SLC15A1: variants seen among roughly 807,000 people sequenced by gnomAD.
The protein encoded by SLC15A1 is Caco-2 oligopeptide transporter.
SLC15A1 carries 83 observed loss-of-function variants against 92.9 expected under a neutral mutation model. The observed-to-expected ratio is 0.89, with a 90% CI of 0.75 to 1.07. The LOEUF is 1.07. Among genes scored for constraint, SLC15A1 ranks in the 50% least tolerant of loss-of-function variants. The pLI is 0.00. For missense variants in SLC15A1, 857 were observed against 880.1 expected (o/e 0.97, Z 0.33); for synonymous variants, 322 against 318.2 (o/e 1.01, Z -0.13).
intron 9 of SLC15A1, among the ~76,000 whole-genome samples, chr13:98,713,493 G>T (rs2088184289): frequency 6.6e-6 from 1 of 152,086 alleles, no homozygotes; most frequent in Non-Finnish European, 1.5e-5. Flanking sequence ...TCCAATAACT[G>T]AACTATTAGT....
At chr13:98,716,024 G>A (rs2088209368) in intron 8 of SLC15A1, 64 bp from the exon 9 acceptor site, 1 of 1,300,764 alleles carries the variant, frequency 7.7e-7, no homozygotes, top group South Asian at 1.2e-5. Flanking sequence ...GGCCTAGAGA[G>A]ATGCGCCTTT....
chr13:98,751,026 A>C (rs1365347487), intron 1 of SLC15A1, among the ~76,000 whole-genome samples: 2 of 152,114 alleles, frequency 1.3e-5, no homozygotes, highest in East Asian at 1.9e-4. Flanking sequence ...AAGTGCTGGG[A>C]TTACAAGCGT....
intron 22 of SLC15A1, among the ~76,000 whole-genome samples, chr13:98,685,633 C>G (rs1190827863): frequency 6.6e-6 from 1 of 152,178 alleles, no homozygotes; most frequent in Non-Finnish European, 1.5e-5. Context: ...AGGGCAACTT[C>G]AAGTTAACCC....
At chr13:98,750,253 C>A (rs1470287301) in intron 1 of SLC15A1, among the ~76,000 whole-genome samples, 4 of 152,126 alleles carry the variant, frequency 2.6e-5, no homozygotes, top group African/African-American at 9.7e-5. Flanking sequence ...GCTGGGACAA[C>A]AGGCACATGC....
In SLC15A1 at chr13:98,704,361, A is replaced by G; in HGVS notation, c.1344T>C (p.Thr448=). The part of the protein sequence containing the change: ...INISSPGSPV[T]AVTDDFKQGQ... ...CCTGCTTGAAGTCGTCAGTTACAGC[A>G]GTGACTGGTGATCCAGGAGAAGAAA... Residue 448 remains threonine, a synonymous_variant, in exon 17 of 23, where the codon ACT becomes ACC. Coordinates refer to ENST00000376503, the MANE Select transcript of SLC15A1 (RefSeq NM_005073.4). 1 of 1,613,864 alleles carries G rather than the reference A, an allele frequency of 6.2e-7. No individual in the cohort carries two copies. The highest frequency in any genetic ancestry group is 8.5e-7 in the Non-Finnish European group (1 of 1,179,776).
intron 1 of SLC15A1, among the ~76,000 whole-genome samples, chr13:98,738,143 C>G (rs1200744534): frequency 6.6e-6 from 1 of 152,138 alleles, no homozygotes; most frequent in Admixed American, 6.5e-5. Context: ...CTTCTAACAA[C>G]CTATGCTCAT....
rs1301299894 is a variant in SLC15A1 at position 98,684,866 on chromosome 13, A to G, written c.1985T>C (p.Ile662Thr). The change falls in exon 23 of 23, where the codon ATT (isoleucine) becomes ACT (threonine). Residue 662 changes from isoleucine (I) to threonine (T), a missense_variant. Coordinates refer to ENST00000376503, the MANE Select transcript of SLC15A1 (RefSeq NM_005073.4). ...ATAGAACCGAGCCATGATGGCAAAA[A>G]TTACACAGACGACCAGAAGCAACGC... is the stretch of plus-strand genomic sequence containing the variant. Reference protein sequence around the residue: ...FAALLLVVCVIFAIMARFYTY... With the variant: ...FAALLLVVCVTFAIMARFYTY... 1.2e-6 allele frequency: 2 copies of G among 1,614,158 alleles called. No homozygotes were observed. Among genetic ancestry groups the G allele is most frequent in the Admixed American group, 3.3e-5 (2 of 60,020 alleles).
intron 1 of SLC15A1, among the ~76,000 whole-genome samples, chr13:98,729,118 G>T (rs1295538974): frequency 1.3e-5 from 2 of 150,414 alleles, no homozygotes; most frequent in Non-Finnish European, 3.0e-5. Flanking sequence ...ACCCAGATTT[G>T]ATATTAACTG....
At chr13:98,699,712 GC>G (rs1172589102) in intron 18 of SLC15A1, among the ~76,000 whole-genome samples, 1 of 152,272 alleles carries the variant, frequency 6.6e-6, no homozygotes, top group Admixed American at 6.5e-5. Context: ...AGGGGCTACA[GC>G]ATCTTGTCCT....
At chr13:98,732,214 T>C (rs1297977646) in intron 1 of SLC15A1, among the ~76,000 whole-genome samples, 1 of 152,212 alleles carries the variant, frequency 6.6e-6, no homozygotes, top group Non-Finnish European at 1.5e-5. Flanking sequence ...CAGAGGCATA[T>C]TTGAGTAGCC....
intron 1 of SLC15A1, among the ~76,000 whole-genome samples, chr13:98,733,778 G>A (rs1230248635): frequency 2.0e-5 from 3 of 152,144 alleles, no homozygotes; most frequent in African/African-American, 7.2e-5. Context: ...CTTACCCTCT[G>A]GGCTTCCATT....
At chr13:98,726,939 C>T (rs1220775361) in intron 1 of SLC15A1, 80 bp from the exon 2 acceptor site, 2 of 1,433,608 alleles carry the variant, frequency 1.4e-6, no homozygotes, top group African/African-American at 2.8e-5. Flanking sequence ...GAGCCTCTGA[C>T]TTTTTAGGGT....
intron 18 of SLC15A1, among the ~76,000 whole-genome samples, chr13:98,688,888 A>G (rs2087953879): frequency 6.6e-6 from 1 of 152,166 alleles, no homozygotes; most frequent in South Asian, 2.1e-4. Flanking sequence ...GTAGATACTG[A>G]GCCTCTTCCC....
At chr13:98,702,238 C>A (rs2088073754) in intron 18 of SLC15A1, among the ~76,000 whole-genome samples, 1 of 152,124 alleles carries the variant, frequency 6.6e-6, no homozygotes, top group Non-Finnish European at 1.5e-5. Flanking sequence ...TGAATGGATG[C>A]TGAATTTTAT....
At chr13:98,724,708 T>C (rs1468054143) in intron 4 of SLC15A1, among the ~76,000 whole-genome samples, 1 of 152,054 alleles carries the variant, frequency 6.6e-6, no homozygotes, top group Admixed American at 6.6e-5. Flanking sequence ...CTCCTGACCT[T>C]GTGATCCACC....
intron 18 of SLC15A1, among the ~76,000 whole-genome samples, 160 bp from the exon 19 acceptor site, chr13:98,688,737 G>A (rs555775664): frequency 6.6e-6 from 1 of 152,218 alleles, no homozygotes; most frequent in African/African-American, 2.4e-5. Context: ...GAAAAACTCT[G>A]GGTTTATCCC....
At chr13:98,740,762 C>T (rs777296891) in intron 1 of SLC15A1, among the ~76,000 whole-genome samples, 1 of 152,122 alleles carries the variant, frequency 6.6e-6, no homozygotes, top group Non-Finnish European at 1.5e-5. Context: ...CTGTCACTGC[C>T]CTGAGGACAG....
chr13:98,711,042 G>A (rs774283627), intron 11 of SLC15A1, among the ~76,000 whole-genome samples: 14 of 151,976 alleles, frequency 9.2e-5, no homozygotes, highest in Non-Finnish European at 1.6e-4. Context: ...ACTGCCTCCC[G>A]GGTCTGTCTG....
chr13:98,719,886 G>A (rs900835388), intron 7 of SLC15A1, among the ~76,000 whole-genome samples: 28 of 152,108 alleles, frequency 1.8e-4, no homozygotes, highest in Non-Finnish European at 3.5e-4. Context: ...TTCTGGATTC[G>A]GCCCATGGGC....
Sources: allele counts gnomAD v4.1 joint callset (sites outside exome capture counted in the v4.1 genomes callset), GRCh38; gene constraint gnomAD v4.1.1; transcripts MANE v1.5; gene names NCBI Gene and HGNC (gene_info 2026-07-23, HGNC 2026-07-21).